TRPC4: variants seen among roughly 807,000 people sequenced by gnomAD.
TRPC4 encodes the protein transient receptor potential cation channel subfamily C member 4, also known as short transient receptor potential channel 4.
Under a neutral mutation model 99.4 loss-of-function variants are expected in TRPC4, and 49 were observed. The observed-to-expected ratio is 0.49, with a 90% CI of 0.39 to 0.63. The LOEUF (loss-of-function observed/expected upper bound fraction) is 0.63, where lower values mean the gene tolerates loss of function less well. TRPC4 is among the 20% of genes least tolerant of loss of function. The pLI, the probability that TRPC4 is intolerant of heterozygous loss-of-function variation, is 0.00. For synonymous variants in TRPC4, 454 were observed against 425.9 expected, an observed-to-expected ratio of 1.07 and a Z score of -0.81; for missense variants, 898 against 1,152.9, an observed-to-expected ratio of 0.78 and a Z score of 3.20.
In TRPC4 at chr13:37,707,425, T is replaced by C. The variant is rs1237151078; in HGVS notation, c.898-15090A>G. 1.3e-5 allele frequency among the ~76,000 whole-genome samples: 2 copies of C among 152,164 alleles called. 1 individual carries two copies. Among genetic ancestry groups the C allele is most frequent in the Middle Eastern group, 6.3e-3 (2 of 316 alleles). ...ATAAACTTCTGTAATACAATCTGTT[T>C]GTAATTTAGGGACTGTCTCTAAAAG... On this transcript the variant is annotated intron_variant, in intron 3 of 10. Transcript: ENST00000379705.
chr13:37,729,810 A>T (rs1268222477), intron 3 of TRPC4, among the ~76,000 whole-genome samples: 1 of 152,068 alleles, frequency 6.6e-6, no homozygotes, highest in Admixed American at 6.6e-5. Context: ...GGAATGGTGG[A>T]TGCCAGAGAC....
At chr13:37,764,681 G>A (rs1157908578) in intron 2 of TRPC4, among the ~76,000 whole-genome samples, 3 of 151,334 alleles carry the variant, frequency 2.0e-5, no homozygotes, top group African/African-American at 7.2e-5. Flanking sequence ...GATATAAACT[G>A]TAGATTTTTT....
At chr13:37,671,216 T>C (rs1380157365) in intron 5 of TRPC4, among the ~76,000 whole-genome samples, 1 of 152,154 alleles carries the variant, frequency 6.6e-6, no homozygotes, top group Non-Finnish European at 1.5e-5. Context: ...TTCATGCAAA[T>C]TACCTACCTG....
intron 3 of TRPC4, among the ~76,000 whole-genome samples, chr13:37,738,145 G>T (rs1222583201): frequency 6.6e-6 from 1 of 152,216 alleles, no homozygotes; most frequent in Non-Finnish European, 1.5e-5. Flanking sequence ...AGAAATAAAA[G>T]CTCTGAGAGT....
At chr13:37,745,868 G>A in intron 3 of TRPC4, 69 bp downstream of exon 3, 1 of 1,520,742 alleles carries the variant, frequency 6.6e-7, no homozygotes, top group Non-Finnish European at 8.8e-7. Flanking sequence ...CTAATTTTGT[G>A]AGTAGCAGTT....
At position 37,678,941 on chromosome 13, in the gene TRPC4, G is replaced by A. The variant is rs188996792; in HGVS notation, c.1235-4574C>T. 1.2e-3 allele frequency among the ~76,000 whole-genome samples: 182 copies of A among 152,098 alleles called. 1 individual carries two copies. Among genetic ancestry groups the A allele is most frequent in the African/African-American group, 4.0e-3 (167 of 41,508 alleles). On this transcript the variant is annotated intron_variant, in intron 4 of 10. Coordinates refer to ENST00000379705, the MANE Select transcript of TRPC4 (RefSeq NM_016179.4). ...TGTTTCAATATTTAAAAATCAATCA[G>A]CATAATTTATCCCATCAACAGCTTT... is the stretch of plus-strand genomic sequence containing the variant.
In TRPC4 at chr13:37,783,295, G is replaced by C. The variant is rs1294682110; in HGVS notation, c.39C>G (p.Pro13=). 1.3e-6 allele frequency: 2 copies of C among 1,599,062 alleles called. No individual in the cohort carries two copies. The highest frequency in any genetic ancestry group is 1.8e-5 in the Admixed American group (1 of 56,448). The change falls in exon 2 of 11, where the codon CCC becomes CCG. Residue 13 remains proline, a synonymous_variant. Coordinates refer to ENST00000379705, the MANE Select transcript of TRPC4 (RefSeq NM_016179.4). ...QFYYKRNVNA[P]YRDRIPLRIV... ...TCCTTAGAGGGATGCGGTCTCTATA[G>C]GGAGCATTAACATTTCTTTTGTAAT...
intron 2 of TRPC4, among the ~76,000 whole-genome samples, chr13:37,766,536 T>A (rs55845511): frequency 0.02 from 3,024 of 151,396 alleles, 37 homozygotes; most frequent in South Asian, 0.075. Flanking sequence ...GGATAATATA[T>A]CCTGGTGAAA....
chr13:37,739,646 C>T (rs938162204), intron 3 of TRPC4, among the ~76,000 whole-genome samples: 2 of 151,516 alleles, frequency 1.3e-5, no homozygotes, highest in African/African-American at 4.9e-5. Context: ...ACTGGGATTA[C>T]AGGCACCCAC....
At chr13:37,736,549 G>A (rs1955399415) in intron 3 of TRPC4, among the ~76,000 whole-genome samples, 1 of 151,988 alleles carries the variant, frequency 6.6e-6, no homozygotes, top group Non-Finnish European at 1.5e-5. Flanking sequence ...ATGCAATTCA[G>A]ATGGGCAAGT....
rs139231881 is a variant in TRPC4 at position 37,850,004 on chromosome 13, A to C, written c.-28+19591T>G. On this transcript the variant is annotated intron_variant, in intron 1 of 10. Transcript: ENST00000379705. ...CAATACTGATGGTTAAATCAGAAACAATGTCTCACAGGCAGTTTTGAATGA... is the reference window on the plus strand; with the variant it reads ...CAATACTGATGGTTAAATCAGAAACCATGTCTCACAGGCAGTTTTGAATGA... 3.6e-3 allele frequency among the ~76,000 whole-genome samples: 544 copies of C among 152,334 alleles called. 4 individuals are homozygous for C. The highest frequency in any genetic ancestry group is 0.013 in the African/African-American group (528 of 41,568).
intron 1 of TRPC4, among the ~76,000 whole-genome samples, chr13:37,818,968 G>A (rs918652153): frequency 2.0e-5 from 3 of 151,216 alleles, no homozygotes; most frequent in African/African-American, 7.3e-5. Flanking sequence ...AATACATGTG[G>A]CCAACAAGCA....
chr13:37,739,156 A>T (rs930748032), intron 3 of TRPC4, among the ~76,000 whole-genome samples: 15 of 152,184 alleles, frequency 9.9e-5, no homozygotes, highest in African/African-American at 3.6e-4. Context: ...AAGAGAAAAC[A>T]ATAACTAATT....
intron 1 of TRPC4, among the ~76,000 whole-genome samples, chr13:37,804,142 A>T (rs1220206054): frequency 1.3e-5 from 2 of 152,044 alleles, no homozygotes; most frequent in Admixed American, 6.6e-5. Context: ...TGGAGATGGG[A>T]ATTGGTTCAA....
At chr13:37,845,296 T>C (rs138628211) in intron 1 of TRPC4, among the ~76,000 whole-genome samples, 1,623 of 152,198 alleles carry the variant, frequency 0.011, 21 homozygotes, top group African/African-American at 0.037. Context: ...AATAAAGCTC[T>C]ACTGATGGAC....
chr13:37,761,048 A>T (rs1226729390), intron 2 of TRPC4, among the ~76,000 whole-genome samples: 5 of 151,960 alleles, frequency 3.3e-5, no homozygotes, highest in African/African-American at 1.2e-4. Context: ...TGAATGACAG[A>T]TTTATCTTAG....
At chr13:37,833,320 A>G (rs886250476) in intron 1 of TRPC4, among the ~76,000 whole-genome samples, 1 of 151,598 alleles carries the variant, frequency 6.6e-6, no homozygotes, top group Non-Finnish European at 1.5e-5. Flanking sequence ...CAGTTATAGA[A>G]AAAAAAATTA....
chr13:37,788,530 C>T (rs1274852021), intron 1 of TRPC4, among the ~76,000 whole-genome samples: 1 of 152,034 alleles, frequency 6.6e-6, no homozygotes, highest in Non-Finnish European at 1.5e-5. Context: ...GACAAGCCTG[C>T]TGAAATGAAA....
chr13:37,856,532 G>C (rs1181006608), intron 1 of TRPC4, among the ~76,000 whole-genome samples: 1 of 151,172 alleles, frequency 6.6e-6, no homozygotes, highest in Non-Finnish European at 1.5e-5. Flanking sequence ...CATTCTACAA[G>C]GCTAGTATTA....
Sources: allele counts gnomAD v4.1 joint callset (sites outside exome capture counted in the v4.1 genomes callset), GRCh38; gene constraint gnomAD v4.1.1; transcripts MANE v1.5; gene names NCBI Gene and HGNC (gene_info 2026-07-23, HGNC 2026-07-21).